CACNA2D4: variants seen among roughly 807,000 people sequenced by gnomAD.
CACNA2D4 encodes the protein calcium voltage-gated channel auxiliary subunit alpha2delta 4, also known as voltage-dependent calcium channel subunit alpha-2/delta-4.
Under a neutral mutation model 163.8 loss-of-function variants are expected in CACNA2D4, and 157 were observed. The observed-to-expected ratio is 0.96, with a 90% CI of 0.84 to 1.09. CACNA2D4 has a LOEUF of 1.09. Among genes scored for constraint, CACNA2D4 ranks in the 50% least tolerant of loss-of-function variants. The probability of loss-of-function intolerance (pLI) is 0.00; values close to 1 mark genes in which losing one functional copy is unlikely to be tolerated. For missense variants in CACNA2D4, 1,410 were observed against 1,479.9 expected (o/e 0.95, Z 0.78); for synonymous variants, 598 against 586.9 (o/e 1.02, Z -0.27).
intron 35 of CACNA2D4, among the ~76,000 whole-genome samples, chr12:1,796,482 G>C (rs1863131508): frequency 6.6e-6 from 1 of 152,262 alleles, no homozygotes; most frequent in Non-Finnish European, 1.5e-5. Context: ...GGGGAGCGCA[G>C]AGCCAGTTTT....
At chr12:1,808,270 G>A (rs1478418623) in intron 29 of CACNA2D4, among the ~76,000 whole-genome samples, 6 of 152,208 alleles carry the variant, frequency 3.9e-5, no homozygotes, top group Non-Finnish European at 8.8e-5. Context: ...GCAGGGGCTG[G>A]AAACTACAGC....
rs781295565 is a variant in CACNA2D4 at position 1,828,263 on chromosome 12, G to A, written c.2551+12476C>T. ...AGGGGGGTGCGGGTTGGGTGGGGGTGCCGAGGTGACTGTAGGTAGCGCCAT... is the reference window on the plus strand; with the variant it reads ...AGGGGGGTGCGGGTTGGGTGGGGGTACCGAGGTGACTGTAGGTAGCGCCAT... On this transcript the variant is annotated intron_variant, in intron 26 of 37. Transcript: ENST00000382722. The surrounding 1 kb of genome is among the most constrained non-coding windows in gnomAD (Gnocchi z 4.2). 4 of 1,485,022 alleles carry A rather than the reference G, an allele frequency of 2.7e-6. No individual in the cohort carries two copies. The highest frequency in any genetic ancestry group is 2.6e-5 in the South Asian group (2 of 77,848). 92.0% of individuals were successfully genotyped at this position (1,485,022 alleles called of 1,614,324 possible).
chr12:1,826,416 C>CCCCCCCCCCCCCCCCCA (rs1864328449), intron 26 of CACNA2D4, among the ~76,000 whole-genome samples: 1 of 139,184 alleles, frequency 7.2e-6, no homozygotes, highest in African/African-American at 2.7e-5. Flanking sequence ...CCCCCCCCCC[C>CCCCCCCCCCCCCCCCCA]GCCAACTGGC....
intron 26 of CACNA2D4, among the ~76,000 whole-genome samples, chr12:1,837,229 G>A (rs1299197504): frequency 1.3e-5 from 2 of 152,262 alleles, no homozygotes; most frequent in African/African-American, 4.8e-5. Flanking sequence ...CTGCCGCACG[G>A]TGGGAGGGGA....
chr12:1,859,994 T>C (rs1329263550), intron 19 of CACNA2D4, 151 bp downstream of exon 19: 8 of 635,976 alleles, frequency 1.3e-5, no homozygotes. Flanking sequence ...ACCTGCATTC[T>C]AGGCTACACT....
At chr12:1,849,352 C>A (rs1865224172) in intron 23 of CACNA2D4, among the ~76,000 whole-genome samples, 2 of 152,186 alleles carry the variant, frequency 1.3e-5, no homozygotes, top group South Asian at 4.1e-4. Flanking sequence ...TTCTTAATGA[C>A]ATTAATATAA....
chr12:1,869,335 C>T lies in CACNA2D4; in HGVS notation c.1878+5269G>A, dbSNP rs967218310. On this transcript the variant is annotated intron_variant, in intron 18 of 37. Coordinates refer to ENST00000382722, the MANE Select transcript of CACNA2D4 (RefSeq NM_172364.5). The surrounding 1 kb of genome is among the most constrained non-coding windows in gnomAD (Gnocchi z 4.7). The stretch of plus-strand genomic sequence containing the variant: ...CAGGCTCTGCCACTCTTTGCTGTAA[C>T]CTACCGTCGTGCTTTCTAGGCATGG... Among the ~76,000 whole-genome samples the T allele has an allele frequency of 6.6e-6, 1 of 152,224 alleles. No homozygotes were observed. The highest frequency in any genetic ancestry group is 1.5e-5 in the Non-Finnish European group (1 of 68,036).
chr12:1,860,310 C>T (rs567931756), intron 18 of CACNA2D4, 104 bp from the exon 19 acceptor site: 14 of 795,658 alleles, frequency 1.8e-5, no homozygotes, highest in South Asian at 1.7e-4. Flanking sequence ...CTGTACAGTC[C>T]CTCCGCCTTC....
At position 1,799,685 on chromosome 12, in the gene CACNA2D4, G is replaced by A. The variant is rs1419744672; in HGVS notation, c.2985C>T (p.Val995=). The change falls in exon 34 of 38, where the codon GTC becomes GTT. Residue 995 remains valine, a synonymous_variant. Coordinates refer to ENST00000382722, the MANE Select transcript of CACNA2D4 (RefSeq NM_172364.5). The surrounding 1 kb of genome is among the most constrained non-coding windows in gnomAD (Gnocchi z 4.7). The part of the protein sequence containing the change: ...WYDRGAEAKS[V]FHHSHKHKKQ... ...AGCTGGGCTACTTACAGTGATGGAAGACACTTTTGGCTGGCCGGAACATAA... is the reference window on the plus strand; with the variant it reads ...AGCTGGGCTACTTACAGTGATGGAAAACACTTTTGGCTGGCCGGAACATAA... 3 of 1,572,734 alleles carry A rather than the reference G, an allele frequency of 1.9e-6. No individual in the cohort carries two copies. The highest frequency in any genetic ancestry group is 2.6e-6 in the Non-Finnish European group (3 of 1,159,318).
At position 1,798,082 on chromosome 12, in the gene CACNA2D4, C is replaced by T. The variant is rs1863191043; in HGVS notation, c.2996-547G>A. Among the ~76,000 whole-genome samples, 1 of 152,192 alleles carries T rather than the reference C, an allele frequency of 6.6e-6. No individual in the cohort carries two copies. ...CAGGTGGGCTCCAGGCCTGGGGCTGCGGAAGCCCAGAAGCCACAGCCACCC... is the reference window on the plus strand; with the variant it reads ...CAGGTGGGCTCCAGGCCTGGGGCTGTGGAAGCCCAGAAGCCACAGCCACCC... On this transcript the variant is annotated intron_variant, in intron 34 of 37. Transcript: ENST00000382722. This position sits in a 1 kb window ranked among gnomAD's most constrained non-coding sequence, Gnocchi z 4.3.
At chr12:1,804,214 C>A (rs1045091936) in intron 29 of CACNA2D4, among the ~76,000 whole-genome samples, 1 of 150,556 alleles carries the variant, frequency 6.6e-6, no homozygotes, top group African/African-American at 2.4e-5. Context: ...GGACAGAAAT[C>A]CACTTCTGTC....
chr12:1,916,130 A>T (rs1318151558), intron 1 of CACNA2D4, among the ~76,000 whole-genome samples: 1 of 152,138 alleles, frequency 6.6e-6, no homozygotes, highest in East Asian at 1.9e-4. Flanking sequence ...GTAAAACGTG[A>T]CTTCCGGGCT....
At position 1,883,690 on chromosome 12, in the gene CACNA2D4, C is replaced by T. The variant is rs1011707055; in HGVS notation, c.1351+553G>A. ...GTCGCCCCACTGACTTGGAGAGTGC[C>T]TCCCCCATGGCCCCCGGCACCCTGA... On this transcript the variant is annotated intron_variant, in intron 12 of 37. Coordinates refer to ENST00000382722, the MANE Select transcript of CACNA2D4 (RefSeq NM_172364.5). The surrounding 1 kb of genome is among the most constrained non-coding windows in gnomAD (Gnocchi z 4.5). Among the ~76,000 whole-genome samples, 9 of 152,266 alleles carry T rather than the reference C, an allele frequency of 5.9e-5. No homozygotes were observed. The highest frequency in any genetic ancestry group is 3.4e-3 in the Middle Eastern group (1 of 294).
intron 6 of CACNA2D4, among the ~76,000 whole-genome samples, chr12:1,890,831 C>T (rs929338080): frequency 2.6e-5 from 4 of 152,184 alleles, no homozygotes; most frequent in African/African-American, 9.7e-5. Context: ...ATCGTTGGCA[C>T]CTGAGAACTT....
chr12:1,823,438 G>C (rs1273111928), intron 26 of CACNA2D4, among the ~76,000 whole-genome samples: 1 of 152,132 alleles, frequency 6.6e-6, no homozygotes, highest in East Asian at 1.9e-4. Flanking sequence ...CGTGCTCTGA[G>C]GGGGCCGAGT....
chr12:1,811,818 C>T, intron 26 of CACNA2D4, 95 bp from the exon 27 acceptor site: 1 of 1,257,586 alleles, frequency 8.0e-7, no homozygotes, highest in South Asian at 1.3e-5. Flanking sequence ...TCCGCAGGAA[C>T]TGAGGAGAGA....
chr12:1,863,955 C>T (rs573372030), intron 18 of CACNA2D4, among the ~76,000 whole-genome samples: 5 of 152,226 alleles, frequency 3.3e-5, no homozygotes, highest in Admixed American at 3.3e-4. Context: ...AGCCCTTGAG[C>T]AGCAGAGTTT....
At chr12:1,884,733 G>T in intron 11 of CACNA2D4, 35 bp downstream of exon 11, 2 of 1,428,712 alleles carry the variant, frequency 1.4e-6, no homozygotes, top group Non-Finnish European at 2.0e-6. Flanking sequence ...AGCAGGAGAA[G>T]CTTTTTTCTC....
In CACNA2D4 at chr12:1,834,228, G is replaced by A. The variant is rs1864751368; in HGVS notation, c.2551+6511C>T. On this transcript the variant is annotated intron_variant, in intron 26 of 37. Transcript: ENST00000382722. The surrounding 1 kb of genome is among the most constrained non-coding windows in gnomAD (Gnocchi z 7.6). ...ATGGGGAGAGGGAGTGCAAGTTCTA[G>A]ATGCCTGGTCAGCCCCTCTTTTTCT... 2 of 1,519,252 alleles carry A rather than the reference G, an allele frequency of 1.3e-6. No homozygotes were observed. The highest frequency in any genetic ancestry group is 1.8e-6 in the Non-Finnish European group (2 of 1,133,658). The allele number at this position is 1,519,252 out of a possible 1,614,324, so 94.1% of individuals were successfully genotyped here.
Sources: gnomAD v4.1 joint callset for allele counts (sites outside exome capture counted in the v4.1 genomes callset) on GRCh38, gnomAD v4.1.1 for gene constraint, Gnocchi (gnomAD v3.1) non-coding constraint, MANE v1.5 for transcripts, NCBI Gene and HGNC (gene_info 2026-07-23, HGNC 2026-07-21) for gene names.